Variants in IL1RAPL1 observed in about 807,000 individuals in gnomAD.
IL1RAPL1 encodes interleukin-1 receptor accessory protein-like 1.
In IL1RAPL1, 3 loss-of-function variants were observed where a neutral mutation model predicts 48.4. The observed-to-expected ratio is 0.06, with a 90% CI of 0.03 to 0.16. The LOEUF is 0.16. Among genes scored for constraint, IL1RAPL1 ranks in the 10% least tolerant of loss-of-function variants. IL1RAPL1 has a pLI of 1.00. For missense variants in IL1RAPL1, 349 were observed against 530.6 expected (o/e 0.66, Z 3.36); for synonymous variants, 185 against 187.7 (o/e 0.99, Z 0.12).
At chrX:29,920,157 G>A (rs1388485979) in intron 8 of IL1RAPL1, 63 bp downstream of exon 8, 1 of 1,160,232 alleles carries the variant, frequency 8.6e-7, no homozygotes, top group Non-Finnish European at 1.2e-6. Context: ...AAAATCATTG[G>A]GAACCAAGAA....
At position 29,748,067 on chromosome X, in the gene IL1RAPL1, G is replaced by A. The variant is rs1245027793; in HGVS notation, c.778+79563G>A. Among the ~76,000 whole-genome samples the A allele has an allele frequency of 6.2e-5, 7 of 112,114 alleles. No homozygotes were observed. The South Asian group carries it at 2.2e-3, about 36-fold the overall frequency. On this transcript the variant is annotated intron_variant, in intron 6 of 10. Coordinates refer to ENST00000378993, the MANE Select transcript of IL1RAPL1 (RefSeq NM_014271.4). ...CATTACTGTCATGTGCCGTTGGGAC[G>A]CTTATAAAGCCAGAAACAACTGTAG... is the stretch of plus-strand genomic sequence containing the variant.
At chrX:29,420,156 CTG>C (rs1357384899) in intron 5 of IL1RAPL1, among the ~76,000 whole-genome samples, 2 of 112,153 alleles carry the variant, frequency 1.8e-5, no homozygotes, top group Non-Finnish European at 3.8e-5. Flanking sequence ...ACCAGAAAGA[CTG>C]TCATTGAATG....
chrX:29,018,555 G>A (rs1926292411), intron 2 of IL1RAPL1, among the ~76,000 whole-genome samples: 1 of 111,549 alleles, frequency 9.0e-6, no homozygotes, highest in African/African-American at 3.3e-5. Context: ...TAAAATGAAG[G>A]GACTTGAACA....
intron 5 of IL1RAPL1, among the ~76,000 whole-genome samples, chrX:29,588,545 G>C (rs760506708): frequency 1.3e-3 from 144 of 112,218 alleles, no homozygotes; most frequent in African/African-American, 4.6e-3. Flanking sequence ...TGGATGTCAT[G>C]GTTAAAAGAG....
rs1164577704 is a variant in IL1RAPL1, at chrX:28,914,317, A to G, written c.82+124892A>G. On this transcript the variant is annotated intron_variant, in intron 2 of 10. Transcript: ENST00000378993. ...TTAACATAAGCACAGGAAATATAAC[A>G]CACATATCAAATGTAGAGTCATCAA... 2.7e-5 allele frequency among the ~76,000 whole-genome samples: 3 copies of G among 111,233 alleles called. No individual in the cohort carries two copies. In the Admixed American group the frequency reaches 2.9e-4, roughly 11 times the overall value.
At chrX:29,393,180 C>T (rs972436140) in intron 3 of IL1RAPL1, among the ~76,000 whole-genome samples, 33 of 111,741 alleles carry the variant, frequency 3.0e-4, no homozygotes, top group Admixed American at 2.5e-3. Flanking sequence ...GGCTTGCAGT[C>T]TCGCGATCTC....
At chrX:29,081,688 G>T (rs890810591) in intron 2 of IL1RAPL1, among the ~76,000 whole-genome samples, 4 of 111,579 alleles carry the variant, frequency 3.6e-5, no homozygotes, top group African/African-American at 1.3e-4. Flanking sequence ...CTGCCTTTGT[G>T]CTGTTTCAGA....
intron 1 of IL1RAPL1, among the ~76,000 whole-genome samples, chrX:28,654,413 A>G (rs1352112655): frequency 1.8e-5 from 2 of 111,385 alleles, no homozygotes; most frequent in African/African-American, 3.3e-5. Flanking sequence ...AACCTCTCCA[A>G]TGACTTTTAT....
intron 5 of IL1RAPL1, among the ~76,000 whole-genome samples, chrX:29,661,533 T>C (rs942169823): frequency 2.7e-5 from 3 of 112,308 alleles, no homozygotes; most frequent in Non-Finnish European, 3.8e-5. Context: ...CACTTCCCTT[T>C]GGGGGATCAC....
intron 1 of IL1RAPL1, among the ~76,000 whole-genome samples, chrX:28,605,240 A>G (rs1355916192): frequency 8.9e-6 from 1 of 112,166 alleles, no homozygotes; most frequent in Non-Finnish European, 1.9e-5. Flanking sequence ...CCAAACACAT[A>G]TATCTAACCA....
At chrX:29,732,342 G>A (rs951115903) in intron 6 of IL1RAPL1, among the ~76,000 whole-genome samples, 1 of 111,627 alleles carries the variant, frequency 9.0e-6, no homozygotes. Flanking sequence ...GGCAAAATGG[G>A]ACAAAGTAAT....
intron 1 of IL1RAPL1, among the ~76,000 whole-genome samples, chrX:28,764,466 G>T (rs1936212386): frequency 9.0e-6 from 1 of 111,615 alleles, no homozygotes; most frequent in African/African-American, 3.3e-5. Flanking sequence ...ACTTTGGGAG[G>T]CTGAGGTGGG....
Position 28,827,468 on chromosome X carries a change from A to G in IL1RAPL1, c.82+38043A>G, listed in dbSNP as rs144739551. On this transcript the variant is annotated intron_variant, in intron 2 of 10. Transcript: ENST00000378993. Reference sequence around the variant, plus strand: ...GAAACAGGAAGTGATTTTGATGTAGACTATGTAAAAGTTTTCTTCTGACTT... The same window carrying G: ...GAAACAGGAAGTGATTTTGATGTAGGCTATGTAAAAGTTTTCTTCTGACTT... Among the ~76,000 whole-genome samples the G allele has an allele frequency of 1.1e-3, 125 of 111,645 alleles. 1 individual carries two copies. The East Asian group carries it at 0.032, about 29-fold the overall frequency.
At chrX:28,687,459 C>T (rs1030307153) in intron 1 of IL1RAPL1, among the ~76,000 whole-genome samples, 2 of 112,016 alleles carry the variant, frequency 1.8e-5, no homozygotes, top group Non-Finnish European at 3.8e-5. Flanking sequence ...AAAAAATTAA[C>T]GCTTTATTTT....
chrX:28,976,253 C>T (rs1159091224), intron 2 of IL1RAPL1, among the ~76,000 whole-genome samples: 1 of 111,578 alleles, frequency 9.0e-6, no homozygotes, highest in Non-Finnish European at 1.9e-5. Flanking sequence ...AGGGAAAGAA[C>T]AGGGAGACCA....
intron 2 of IL1RAPL1, among the ~76,000 whole-genome samples, chrX:29,109,639 G>A (rs1949568790): frequency 9.0e-6 from 1 of 110,666 alleles, no homozygotes; most frequent in African/African-American, 3.3e-5. Context: ...AACCTTTATG[G>A]GGCTGCTGGA....
At chrX:29,876,513 A>G (rs1199098043) in intron 6 of IL1RAPL1, among the ~76,000 whole-genome samples, 1 of 112,213 alleles carries the variant, frequency 8.9e-6, no homozygotes, top group Non-Finnish European at 1.9e-5. Flanking sequence ...TAAGTGGAGC[A>G]CAGAGAAACT....
chrX:29,277,465 C>T (rs773425695), intron 2 of IL1RAPL1, among the ~76,000 whole-genome samples: 217 of 112,129 alleles, frequency 1.9e-3, no homozygotes, highest in Non-Finnish European at 3.4e-3. Flanking sequence ...GAAAATTAAC[C>T]TAAAACATTG....
chrX:29,236,510 CT>C (rs72369187), intron 2 of IL1RAPL1, among the ~76,000 whole-genome samples: 916 of 83,629 alleles, frequency 0.011, 47 homozygotes, highest in Admixed American at 0.097. Context: ...TATTCCTTCT[CT>C]TTTTTTTTTT....
Sources: gnomAD v4.1 joint callset for allele counts (sites outside exome capture counted in the v4.1 genomes callset) on GRCh38, gnomAD v4.1.1 for gene constraint, MANE v1.5 for transcripts, NCBI Gene and HGNC (gene_info 2026-07-23, HGNC 2026-07-21) for gene names.